The following PCDHA13 variants were observed in gnomAD, a reference collection of about 807,000 sequenced individuals.
PCDHA13 encodes protocadherin alpha-13.
PCDHA13 carries 54 observed loss-of-function variants against 64.8 expected under a neutral mutation model. The observed-to-expected ratio is 0.83, with a 90% CI of 0.67 to 1.04. PCDHA13 has a LOEUF of 1.04. Among genes scored for constraint, PCDHA13 ranks in the 50% least tolerant of loss-of-function variants. The pLI is 0.00. For synonymous variants in PCDHA13, 587 were observed against 564.4 expected (o/e 1.04, Z -0.57); for missense variants, 1,248 against 1,254.3 (o/e 0.99, Z 0.08).
Position 140,884,666 on chromosome 5 carries a change from A to C in PCDHA13, c.2394+4A>C, listed in dbSNP as rs1554181818. 6.4e-7 allele frequency: 1 copy of C among 1,571,180 alleles called. No homozygotes were observed. Among genetic ancestry groups the C allele is most frequent in the African/African-American group, 1.4e-5 (1 of 73,142 alleles). On this transcript the variant is annotated splice_donor_region_variant and intron_variant, in intron 1 of 3. Transcript: ENST00000289272. ...GGACTCAGAATGCTTGAAAGAGGTA[A>C]GCTTATATTTTAAAAAATTGTCTTA...
intron 1 of PCDHA13, among the ~76,000 whole-genome samples, chr5:140,978,524 C>G (rs1554239389): frequency 2.0e-5 from 3 of 152,208 alleles, no homozygotes; most frequent in Admixed American, 6.5e-5. Context: ...TCCAGCCAGG[C>G]CAGCAGAACT....
In PCDHA13 at chr5:140,882,401, G is replaced by A. The variant is rs899488409; in HGVS notation, c.133G>A (p.Val45Met). ...VPEEAKHGTF[V>M]GRIAQDLGLE... ...CGAGGAAGCAAAACACGGCACCTTC[G>A]TGGGCCGCATCGCTCAGGACCTGGG... Residue 45 changes from valine to methionine, a missense_variant, in exon 1 of 4, where the codon GTG becomes ATG. Transcript: ENST00000289272. The A allele has an allele frequency of 4.0e-5, 65 of 1,614,046 alleles. No individual in the cohort carries two copies. Among genetic ancestry groups the A allele is most frequent in the Non-Finnish European group, 5.3e-5 (62 of 1,180,052 alleles).
chr5:140,921,212 C>T lies in PCDHA13; in HGVS notation c.2394+36550C>T, dbSNP rs78827164. On this transcript the variant is annotated intron_variant, in intron 1 of 3. Coordinates refer to ENST00000289272, the MANE Select transcript of PCDHA13 (RefSeq NM_018904.3). ...ACAATAGATTGACAACGATAATTCA[C>T]GTCTTTTTTGCTAGATGATATTAAG... is the stretch of plus-strand genomic sequence containing the variant. Among the ~76,000 whole-genome samples the T allele has an allele frequency of 3.7e-3, 555 of 152,020 alleles. 3 individuals carry two copies. Among genetic ancestry groups the T allele is most frequent in the Non-Finnish European group, 5.8e-3 (395 of 67,980 alleles).
At chr5:140,997,720 G>C (rs973128921) in intron 3 of PCDHA13, among the ~76,000 whole-genome samples, 1 of 151,568 alleles carries the variant, frequency 6.6e-6, no homozygotes, top group African/African-American at 2.4e-5. Flanking sequence ...ACCTTTCTAC[G>C]TCAGTACATA....
chr5:140,911,040 A>G (rs970284436), intron 1 of PCDHA13, among the ~76,000 whole-genome samples: 15 of 152,034 alleles, frequency 9.9e-5, no homozygotes, highest in Non-Finnish European at 2.2e-4. Context: ...CTAGAAGCAA[A>G]CAGGGGTGGT....
At chr5:140,931,817 C>A (rs2087768963) in intron 1 of PCDHA13, among the ~76,000 whole-genome samples, 1 of 151,876 alleles carries the variant, frequency 6.6e-6, no homozygotes, top group Non-Finnish European at 1.5e-5. Context: ...GAAAAGAATT[C>A]TTGTCATAGT....
At chr5:140,975,053 A>C (rs2096651589) in intron 1 of PCDHA13, among the ~76,000 whole-genome samples, 1 of 152,144 alleles carries the variant, frequency 6.6e-6, no homozygotes, top group Admixed American at 6.5e-5. Flanking sequence ...GGAAGAATCT[A>C]CTATCGAGCT....
chr5:140,892,310 A>T (rs1346325979), intron 1 of PCDHA13, among the ~76,000 whole-genome samples: 1 of 152,230 alleles, frequency 6.6e-6, no homozygotes, highest in African/African-American at 2.4e-5. Flanking sequence ...TTTGGGGCTT[A>T]TAACATTTTC....
chr5:140,889,035 T>C (rs1554183751), intron 1 of PCDHA13, among the ~76,000 whole-genome samples: 2 of 152,104 alleles, frequency 1.3e-5, no homozygotes. Flanking sequence ...AACCGTAATT[T>C]GATTATAATT....
At chr5:140,927,436 T>A (rs776039540) in intron 1 of PCDHA13, 1 of 1,614,132 alleles carries the variant, frequency 6.2e-7, no homozygotes, top group Non-Finnish European at 8.5e-7. Context: ...CGGCAGCGAA[T>A]ACCCGGAGTT....
chr5:140,998,639 A>G (rs1165002908), intron 3 of PCDHA13, among the ~76,000 whole-genome samples: 2 of 151,766 alleles, frequency 1.3e-5, no homozygotes, highest in African/African-American at 2.4e-5. Flanking sequence ...ATCTCAGCTC[A>G]CTGCAACCTC....
At position 140,884,142 on chromosome 5, in the gene PCDHA13, G is replaced by A. The variant is rs782033390; in HGVS notation, c.1874G>A (p.Gly625Glu). ...GGCGCGCGCATCCCGTTCCGCGTGGGGCTGTACACTGGCGAGATCAGCACG... is the reference window on the plus strand; with the variant it reads ...GGCGCGCGCATCCCGTTCCGCGTGGAGCTGTACACTGGCGAGATCAGCACG... ...AVGARIPFRVGLYTGEISTTR... is the reference protein window; with the variant it reads ...AVGARIPFRVELYTGEISTTR... The change falls in exon 1 of 4, where the codon GGG becomes GAG. Residue 625 changes from glycine (G) to glutamate (E), a missense_variant. Coordinates refer to ENST00000289272, the MANE Select transcript of PCDHA13 (RefSeq NM_018904.3). The A allele has an allele frequency of 5.6e-6, 9 of 1,613,298 alleles. No individual in the cohort carries two copies. Among genetic ancestry groups the A allele is most frequent in the African/African-American group, 1.3e-5 (1 of 74,900 alleles).
chr5:140,935,057 G>A (rs2090168860), intron 1 of PCDHA13, among the ~76,000 whole-genome samples: 1 of 152,034 alleles, frequency 6.6e-6, no homozygotes, highest in Non-Finnish European at 1.5e-5. Flanking sequence ...ATTACAAGAT[G>A]TTCAGATTAT....
At chr5:140,915,716 C>T (rs2077274657) in intron 1 of PCDHA13, among the ~76,000 whole-genome samples, 1 of 152,024 alleles carries the variant, frequency 6.6e-6, no homozygotes, top group East Asian at 1.9e-4. Context: ...GTGGCCCCCA[C>T]TTTGGATTGT....
chr5:140,982,218 G>T, intron 2 of PCDHA13: 1 of 523,694 alleles, frequency 1.9e-6, no homozygotes, highest in South Asian at 3.9e-5. Flanking sequence ...GCCACATGGC[G>T]TTAATAAAAA....
intron 1 of PCDHA13, chr5:140,969,386 C>G (rs782109093): frequency 6.3e-7 from 1 of 1,596,966 alleles, no homozygotes; most frequent in South Asian, 1.1e-5. Flanking sequence ...TACACATCCC[C>G]CAATATCCTG....
At chr5:140,941,063 TG>T (rs1554213711) in intron 1 of PCDHA13, among the ~76,000 whole-genome samples, 2 of 152,194 alleles carry the variant, frequency 1.3e-5, no homozygotes, top group East Asian at 3.8e-4. Context: ...AGCAGTTTTC[TG>T]GGCTGGAGAG....
intron 1 of PCDHA13, chr5:140,966,881 C>A: frequency 6.3e-7 from 1 of 1,589,072 alleles, no homozygotes. Context: ...GCTACCTGGC[C>A]CTGCGGCCTC....
chr5:140,969,509 C>T (rs1554231905), intron 1 of PCDHA13: 1 of 1,416,140 alleles, frequency 7.1e-7, no homozygotes, highest in Non-Finnish European at 9.4e-7. Context: ...AAAAATAGCA[C>T]TAAAGAATTG....
Sources: gnomAD v4.1 joint callset for allele counts (sites outside exome capture counted in the v4.1 genomes callset) on GRCh38, gnomAD v4.1.1 for gene constraint, MANE v1.5 for transcripts, NCBI Gene and HGNC (gene_info 2026-07-23, HGNC 2026-07-21) for gene names.